The following TGFA variants were observed in gnomAD, a reference collection of about 807,000 sequenced individuals.
TGFA encodes the protein transforming growth factor alpha.
A neutral mutation model predicts 21.7 loss-of-function variants in TGFA; 12 were observed. That is an observed-to-expected ratio of 0.55 (90% confidence interval 0.35 to 0.90). TGFA has a LOEUF of 0.90. TGFA is among the 40% of genes least tolerant of loss of function. TGFA has a pLI of 0.01. For missense variants in TGFA, 178 were observed against 210.8 expected, an observed-to-expected ratio of 0.84 and a Z score of 0.96; for synonymous variants, 79 against 88.1, an observed-to-expected ratio of 0.90 and a Z score of 0.58.
At chr2:70,553,322 C>G in intron 1 of TGFA, 1 of 1,505,104 alleles carries the variant, frequency 6.6e-7, no homozygotes, top group South Asian at 1.3e-5. Flanking sequence ...GGTTAGACGC[C>G]GGCCCCCGTT....
At position 70,447,519 on chromosome 2, in the gene TGFA, A is replaced by G. The variant is rs1669916968; in HGVS notation, c.*3340T>C. 6.6e-6 allele frequency: 1 copy of G among 152,636 alleles called. No homozygotes were observed. Among genetic ancestry groups the G allele is most frequent in the Admixed American group, 6.5e-5 (1 of 15,280 alleles). 9.5% of individuals were successfully genotyped at this position (152,636 alleles called of 1,614,324 possible). On this transcript the variant is annotated 3_prime_UTR_variant, in exon 6 of 6. Coordinates refer to ENST00000295400, the MANE Select transcript of TGFA (RefSeq NM_003236.4). ...AATATTAACCTTTTCAGTGCAACATATACAGACATCAGAGTAAGGAGTTCT... is the reference window on the plus strand; with the variant it reads ...AATATTAACCTTTTCAGTGCAACATGTACAGACATCAGAGTAAGGAGTTCT...
chr2:70,540,633 A>T (rs1389352213), intron 1 of TGFA, among the ~76,000 whole-genome samples: 2 of 152,232 alleles, frequency 1.3e-5, no homozygotes, highest in Non-Finnish European at 2.9e-5. Flanking sequence ...CCCCAAGACT[A>T]AGTATTACAC....
At chr2:70,514,377 C>G in intron 2 of TGFA, among the ~76,000 whole-genome samples, 1 of 151,474 alleles carries the variant, frequency 6.6e-6, no homozygotes, top group East Asian at 1.9e-4. Flanking sequence ...AAGCTCTCCA[C>G]TATTTTGATT....
chr2:70,545,153 T>C (rs1673255667), intron 1 of TGFA, among the ~76,000 whole-genome samples: 1 of 151,836 alleles, frequency 6.6e-6, no homozygotes, highest in South Asian at 2.1e-4. Flanking sequence ...ACCTACTATG[T>C]ACCCACAAGA....
intron 1 of TGFA, among the ~76,000 whole-genome samples, chr2:70,547,117 GCTGA>G (rs541451132): frequency 1.1e-3 from 161 of 152,234 alleles, no homozygotes; most frequent in Middle Eastern, 3.4e-3. Context: ...CTATTGCCAC[GCTGA>G]CTTTTAAAAA....
intron 4 of TGFA, among the ~76,000 whole-genome samples, chr2:70,453,700 G>A (rs1306510242): frequency 6.6e-6 from 1 of 152,206 alleles, no homozygotes; most frequent in Non-Finnish European, 1.5e-5. Flanking sequence ...TTGGGACAAA[G>A]GACTGGGATA....
intron 2 of TGFA, among the ~76,000 whole-genome samples, chr2:70,498,867 C>T (rs1553498702): frequency 6.6e-6 from 1 of 152,092 alleles, no homozygotes; most frequent in Non-Finnish European, 1.5e-5. Flanking sequence ...TTCAAGAGTC[C>T]TTCCCTCTTT....
intron 2 of TGFA, among the ~76,000 whole-genome samples, chr2:70,504,465 C>CAT (rs1559124076): frequency 1.5e-3 from 91 of 62,492 alleles, no homozygotes; most frequent in East Asian, 2.8e-3. Context: ...TATATATATA[C>CAT]ACACATACAT....
intron 1 of TGFA, among the ~76,000 whole-genome samples, chr2:70,529,588 T>TTCC (rs1553503449): frequency 2.7e-5 from 4 of 146,542 alleles, no homozygotes; most frequent in Non-Finnish European, 6.0e-5. Context: ...GAGGAGTGAA[T>TTCC]CCCCCCGCCC....
chr2:70,449,950 A>G lies in TGFA; in HGVS notation c.*909T>C, dbSNP rs1670000341. 6.6e-6 allele frequency: 1 copy of G among 152,346 alleles called. No individual in the cohort carries two copies. The highest frequency in any genetic ancestry group is 2.4e-5 in the African/African-American group (1 of 41,444). The allele number at this position is 152,346 out of a possible 1,614,324, so 9.4% of individuals were successfully genotyped here. On this transcript the variant is annotated 3_prime_UTR_variant, in exon 6 of 6. Transcript: ENST00000295400. ...CAACAGAGGGGACAGATCCCTGCTG[A>G]TGGATTTGCTAAGTTTTCTCCCAGA...
chr2:70,550,287 T>A (rs1165882991), intron 1 of TGFA, among the ~76,000 whole-genome samples: 1 of 152,198 alleles, frequency 6.6e-6, no homozygotes, highest in African/African-American at 2.4e-5. Context: ...TATTTTTTTT[T>A]ATAAATAGCT....
chr2:70,456,257 C>G (rs1255725616), intron 4 of TGFA, 82 bp downstream of exon 4: 1 of 1,465,130 alleles, frequency 6.8e-7, no homozygotes, highest in East Asian at 2.5e-5. Flanking sequence ...GCTGAGGTGG[C>G]CCTGTTATCT....
chr2:70,534,461 G>T (rs1283300765), intron 1 of TGFA, among the ~76,000 whole-genome samples: 1 of 152,186 alleles, frequency 6.6e-6, no homozygotes, highest in East Asian at 1.9e-4. Flanking sequence ...TGTGCCCCAT[G>T]ACTTCCAGGC....
At chr2:70,516,901 C>T (rs1244259782) in intron 1 of TGFA, among the ~76,000 whole-genome samples, 1 of 152,250 alleles carries the variant, frequency 6.6e-6, no homozygotes, top group Non-Finnish European at 1.5e-5. Flanking sequence ...TCTTCATGCC[C>T]TGTTCCTGCT....
intron 1 of TGFA, among the ~76,000 whole-genome samples, chr2:70,517,821 C>A (rs782791356): frequency 6.6e-6 from 1 of 152,242 alleles, no homozygotes; most frequent in Non-Finnish European, 1.5e-5. Context: ...AGCCTTGATC[C>A]GTCTCTCCCT....
At chr2:70,531,848 C>T (rs1672821128) in intron 1 of TGFA, among the ~76,000 whole-genome samples, 1 of 152,166 alleles carries the variant, frequency 6.6e-6, no homozygotes, top group Non-Finnish European at 1.5e-5. Context: ...AATGTCACTG[C>T]AGAGAATGAA....
intron 1 of TGFA, among the ~76,000 whole-genome samples, chr2:70,548,597 C>T (rs782059670): frequency 2.6e-5 from 4 of 152,172 alleles, no homozygotes; most frequent in East Asian, 1.9e-4. Context: ...TAAAGCCAAA[C>T]GTGCTAGGCA....
intron 1 of TGFA, among the ~76,000 whole-genome samples, chr2:70,545,970 T>C (rs1553505833): frequency 6.6e-6 from 1 of 152,134 alleles, no homozygotes; most frequent in Non-Finnish European, 1.5e-5. Context: ...AAATGACAAA[T>C]GTCCAACAAA....
chr2:70,528,449 G>A (rs1672707192), intron 1 of TGFA, among the ~76,000 whole-genome samples: 2 of 143,524 alleles, frequency 1.4e-5, no homozygotes, highest in Admixed American at 1.5e-4. Context: ...GAAAAACAAT[G>A]ATCCCTGTGG....
Sources: allele counts gnomAD v4.1 joint callset (sites outside exome capture counted in the v4.1 genomes callset), GRCh38; gene constraint gnomAD v4.1.1; transcripts MANE v1.5; gene names NCBI Gene and HGNC (gene_info 2026-07-23, HGNC 2026-07-21).